Variants in PPP2R1B observed in about 807,000 individuals in gnomAD.
The protein encoded by PPP2R1B is serine/threonine-protein phosphatase 2A 65 kDa regulatory subunit A beta isoform.
In PPP2R1B, 58 loss-of-function variants were observed where a neutral mutation model predicts 72.7. The ratio of observed to expected loss-of-function variants is 0.80; its 90% CI spans 0.65 to 0.99. The LOEUF (loss-of-function observed/expected upper bound fraction) is 0.99. Among genes scored for constraint, PPP2R1B ranks in the 50% least tolerant of loss-of-function variants. The probability of loss-of-function intolerance (pLI) is 0.00; values close to 1 mark genes in which losing one functional copy is unlikely to be tolerated. For missense variants in PPP2R1B, 695 were observed against 733.6 expected (o/e 0.95, Z 0.61); for synonymous variants, 256 against 264.6 (o/e 0.97, Z 0.32).
At chr11:111,719,879 G>C in the PPP2R1B span, 1 of 1,614,174 alleles carries the variant, frequency 6.2e-7, no homozygotes, top group Non-Finnish European at 8.5e-7. Context: ...AAGGGCTGGA[G>C]ACAGAAGGAG....
In PPP2R1B at chr11:111,766,386, C is replaced by A. The variant is rs1438393158; in HGVS notation, c.-25G>T. 4.3e-5 allele frequency: 18 copies of A among 414,856 alleles called. No homozygotes were observed. The highest frequency in any genetic ancestry group is 6.7e-5 in the Non-Finnish European group (18 of 270,130). The allele number at this position is 414,856 out of a possible 1,614,324, so 25.7% of individuals were successfully genotyped here. A position where few individuals can be genotyped will look rare whatever the true frequency, so the allele number is the denominator to read the frequency against. On this transcript the variant is annotated 5_prime_UTR_variant, in exon 1 of 15. Transcript: ENST00000527614. ...TGTTCTTTCTCCTCCTGCTGCTGGT[C>A]ACCGCCTCCCGCCCCGCGCCCAGGC...
chr11:111,710,758 G>C, the PPP2R1B span, among the ~76,000 whole-genome samples: 5 of 152,202 alleles, frequency 3.3e-5, no homozygotes, highest in Admixed American at 6.5e-5. Context: ...GAGAGGTTAG[G>C]AAACCTGATT....
the PPP2R1B span, among the ~76,000 whole-genome samples, chr11:111,714,645 AG>A: frequency 6.6e-6 from 1 of 152,208 alleles, no homozygotes; most frequent in African/African-American, 2.4e-5. Context: ...TTTTGAGCCT[AG>A]ATGGAGGGTG....
chr11:111,698,167 T>C, the PPP2R1B span, among the ~76,000 whole-genome samples: 1 of 152,178 alleles, frequency 6.6e-6, no homozygotes, highest in South Asian at 2.1e-4. Context: ...CTACAGAAAA[T>C]AGAAATAACT....
the PPP2R1B span, chr11:111,712,072 T>C: frequency 6.6e-6 from 6 of 903,288 alleles, no homozygotes; most frequent in Non-Finnish European, 1.0e-5. Context: ...TATATTTCAC[T>C]AAATCTTTCT....
chr11:111,723,071 C>G (rs1217626847), downstream of PPP2R1B, among the ~76,000 whole-genome samples: 2 of 152,140 alleles, frequency 1.3e-5, no homozygotes, highest in African/African-American at 4.8e-5. Context: ...GGCACAGGAG[C>G]CTTCCGTCCT....
chr11:111,721,807 G>A, the PPP2R1B span: 3 of 1,575,556 alleles, frequency 1.9e-6, no homozygotes, highest in Non-Finnish European at 2.6e-6. Context: ...ATTGAAAATT[G>A]TTTCCACCCC....
the PPP2R1B span, among the ~76,000 whole-genome samples, chr11:111,710,157 G>A: frequency 6.6e-6 from 1 of 152,174 alleles, no homozygotes; most frequent in Non-Finnish European, 1.5e-5. Context: ...AGTGGGAAGT[G>A]TAAATTTTAC....
downstream of PPP2R1B, chr11:111,722,011 G>A (rs1943817311): frequency 4.9e-6 from 6 of 1,216,856 alleles, no homozygotes; most frequent in Admixed American, 2.7e-5. The surrounding 1 kb of genome is among the most constrained non-coding windows in gnomAD (Gnocchi z 4.4). Flanking sequence ...AAGCAGAAAC[G>A]TGTTTTGCCT....
At chr11:111,718,523 G>A in the PPP2R1B span, among the ~76,000 whole-genome samples, 2 of 152,202 alleles carry the variant, frequency 1.3e-5, no homozygotes, top group Non-Finnish European at 2.9e-5. Context: ...TTACCCGAGT[G>A]AGGGCTATAG....
intron 10 of PPP2R1B, among the ~76,000 whole-genome samples, chr11:111,750,104 C>T (rs1944847572): frequency 6.6e-6 from 1 of 152,182 alleles, no homozygotes; most frequent in African/African-American, 2.4e-5. Flanking sequence ...ACTAATACCT[C>T]TGGTATACTT....
intron 10 of PPP2R1B, among the ~76,000 whole-genome samples, chr11:111,751,653 AT>A (rs2136075836): frequency 6.6e-6 from 1 of 152,358 alleles, no homozygotes; most frequent in Admixed American, 6.5e-5. Flanking sequence ...TAGATGAGGG[AT>A]ACTCAACCTA....
the PPP2R1B span, chr11:111,700,817 T>TC: frequency 6.3e-7 from 1 of 1,575,236 alleles, no homozygotes; most frequent in Non-Finnish European, 8.7e-7. Context: ...TATTAGAAAA[T>TC]TTATTACAGA....
chr11:111,705,230 C>A, the PPP2R1B span: 1 of 1,303,502 alleles, frequency 7.7e-7, no homozygotes, highest in Non-Finnish European at 1.0e-6. This position sits in a 1 kb window ranked among gnomAD's most constrained non-coding sequence, Gnocchi z 4.3. Flanking sequence ...GTTAGGATTT[C>A]ATCCTCTACA....
the PPP2R1B span, among the ~76,000 whole-genome samples, chr11:111,717,089 C>T: frequency 8.1e-4 from 123 of 151,732 alleles, no homozygotes; most frequent in African/African-American, 2.8e-3. Flanking sequence ...CTGAGGCAGG[C>T]GGATCACGAG....
chr11:111,722,218 T>C (rs1023299328), downstream of PPP2R1B, among the ~76,000 whole-genome samples: 1 of 152,220 alleles, frequency 6.6e-6, no homozygotes, highest in Non-Finnish European at 1.5e-5. This position sits in a 1 kb window ranked among gnomAD's most constrained non-coding sequence, Gnocchi z 4.4. Context: ...TTTCTAATTG[T>C]ATTCCTCTTA....
At chr11:111,703,334 C>G in the PPP2R1B span, 1 of 1,614,158 alleles carries the variant, frequency 6.2e-7, no homozygotes, top group East Asian at 2.2e-5. Flanking sequence ...TCCACAAGAG[C>G]AAGAAAATGA....
At chr11:111,748,332 T>C (rs544720760) in intron 10 of PPP2R1B, among the ~76,000 whole-genome samples, 1 of 152,346 alleles carries the variant, frequency 6.6e-6, no homozygotes, top group South Asian at 2.1e-4. Flanking sequence ...CAAATCTGGA[T>C]TACCTGTAAA....
chr11:111,689,704 C>T, the PPP2R1B span, among the ~76,000 whole-genome samples: 14 of 152,238 alleles, frequency 9.2e-5, no homozygotes, highest in Non-Finnish European at 1.9e-4. Flanking sequence ...GTAGCTTCCT[C>T]GGTTTGCTGT....
Sources: allele counts gnomAD v4.1 joint callset (sites outside exome capture counted in the v4.1 genomes callset), GRCh38; gene constraint gnomAD v4.1.1; non-coding constraint Gnocchi (gnomAD v3.1); transcripts MANE v1.5; gene names NCBI Gene and HGNC (gene_info 2026-07-23, HGNC 2026-07-21).